The following HECW1 variants were observed in gnomAD, a reference collection of about 807,000 sequenced individuals.
The protein encoded by HECW1 is HECT, C2 and WW domain containing E3 ubiquitin protein ligase 1, also known as E3 ubiquitin-protein ligase HECW1.
In HECW1, 61 loss-of-function variants were observed where a neutral mutation model predicts 182.3. The observed-to-expected ratio is 0.33, with a 90% confidence interval of 0.27 to 0.41. HECW1 has a LOEUF of 0.41. Among genes scored for constraint, HECW1 ranks in the 10% least tolerant of loss-of-function variants. The pLI is 1.00. For synonymous variants in HECW1, 859 were observed against 832.6 expected, an observed-to-expected ratio of 1.03 and a Z score of -0.55; for missense variants, 1,739 against 2,108.9, an observed-to-expected ratio of 0.82 and a Z score of 3.44.
chr7:43,348,418 A>G (rs1238183821), intron 5 of HECW1, among the ~76,000 whole-genome samples: 1 of 151,834 alleles, frequency 6.6e-6, no homozygotes, highest in Non-Finnish European at 1.5e-5. Flanking sequence ...TTCTTGGTTA[A>G]TCTTGCTAAT....
intron 8 of HECW1, among the ~76,000 whole-genome samples, chr7:43,411,208 A>G (rs2075793211): frequency 6.6e-6 from 1 of 152,208 alleles, no homozygotes; most frequent in Non-Finnish European, 1.5e-5. Context: ...TCATTCCGTC[A>G]AAAATATTTC....
At chr7:43,396,915 G>T in intron 7 of HECW1, 26 bp downstream of exon 7, 1 of 1,537,968 alleles carries the variant, frequency 6.5e-7, no homozygotes, top group Non-Finnish European at 9.0e-7. Flanking sequence ...CTGAGACTTT[G>T]TGGAGAGACT....
At chr7:43,298,831 C>T (rs897147137) in intron 3 of HECW1, among the ~76,000 whole-genome samples, 7 of 152,304 alleles carry the variant, frequency 4.6e-5, no homozygotes, top group Admixed American at 1.3e-4. Flanking sequence ...CTCTGTCTGC[C>T]GCCCCCACAT....
In HECW1 at chr7:43,463,781, T is replaced by G; in HGVS notation, c.2773T>G (p.Ser925Ala). The change falls in exon 14 of 30, where the codon TCT becomes GCT. Residue 925 changes from serine to alanine, a missense_variant. Coordinates refer to ENST00000395891, the MANE Select transcript of HECW1 (RefSeq NM_015052.5). ...GGGGSDSEAESSQSSLDLRRE... is the reference protein window; with the variant it reads ...GGGGSDSEAEASQSSLDLRRE... The stretch of plus-strand genomic sequence containing the variant: ...TGGAGGGAGTGACTCAGAAGCCGAA[T>G]CTTCCCAGTCCAGCTTAGGTATTGG... 1 of 1,613,986 alleles carries G rather than the reference T, an allele frequency of 6.2e-7. No individual in the cohort carries two copies.
At position 43,164,667 on chromosome 7, in the gene HECW1, A is replaced by G. The variant is rs1407840044; in HGVS notation, c.-32+50276A>G. Among the ~76,000 whole-genome samples the G allele has an allele frequency of 2.6e-5, 4 of 152,196 alleles. No homozygotes were observed. The East Asian group carries it at 7.7e-4, about 29-fold the overall frequency. On this transcript the variant is annotated intron_variant, in intron 2 of 29. Coordinates refer to ENST00000395891, the MANE Select transcript of HECW1 (RefSeq NM_015052.5). ...TGCATAGTGGGTGTGTTTCAGGGCCACTGGACTGGACTTTCCTTTTGGTGT... is the reference window on the plus strand; with the variant it reads ...TGCATAGTGGGTGTGTTTCAGGGCCGCTGGACTGGACTTTCCTTTTGGTGT...
intron 12 of HECW1, 70 bp downstream of exon 12, chr7:43,450,999 G>T: frequency 9.4e-7 from 1 of 1,059,970 alleles, no homozygotes; most frequent in Non-Finnish European, 1.5e-6. Flanking sequence ...GTATGAATTT[G>T]TGTGTAAACA....
intron 6 of HECW1, among the ~76,000 whole-genome samples, chr7:43,376,956 G>GA (rs11379913): frequency 0.64 from 96,018 of 151,152 alleles, 30,789 homozygotes; most frequent in African/African-American, 0.72. Flanking sequence ...ACACTTTAGT[G>GA]AAAAAAAAAG....
chr7:43,350,515 C>T (rs1814293122), intron 5 of HECW1, among the ~76,000 whole-genome samples: 1 of 152,174 alleles, frequency 6.6e-6, no homozygotes, highest in African/African-American at 2.4e-5. Context: ...TAGGTTTGGT[C>T]ATTTAACATA....
chr7:43,509,201 G>A (rs1023098106), intron 24 of HECW1, 80 bp downstream of exon 24: 2 of 1,455,012 alleles, frequency 1.4e-6, no homozygotes, highest in Admixed American at 3.6e-5. Flanking sequence ...TTTCTCAAAG[G>A]CCACTGTGTT....
At chr7:43,283,761 T>C (rs1352630124) in intron 3 of HECW1, among the ~76,000 whole-genome samples, 1 of 152,204 alleles carries the variant, frequency 6.6e-6, no homozygotes, top group African/African-American at 2.4e-5. Flanking sequence ...GGACCTTGAC[T>C]TGGAAGAGGA....
chr7:43,464,166 A>G (rs1167380845), intron 14 of HECW1, among the ~76,000 whole-genome samples: 2 of 152,232 alleles, frequency 1.3e-5, no homozygotes, highest in Non-Finnish European at 2.9e-5. Flanking sequence ...TTATTTATTT[A>G]TAAGTTATTG....
chr7:43,452,372 T>C (rs2077263048), intron 12 of HECW1, among the ~76,000 whole-genome samples: 1 of 152,240 alleles, frequency 6.6e-6, no homozygotes, highest in African/African-American at 2.4e-5. Context: ...AAATCCGTTG[T>C]AAAATAATTG....
chr7:43,495,947 C>G (rs1455066644), intron 19 of HECW1, among the ~76,000 whole-genome samples: 1 of 152,114 alleles, frequency 6.6e-6, no homozygotes, highest in African/African-American at 2.4e-5. Context: ...TTTCAACTCA[C>G]CAAAGACACA....
chr7:43,444,984 C>G lies in HECW1; in HGVS notation c.1812C>G (p.Asp604Glu). ...AGAAGGATGGGCTCAGCGAGGTGGA[C>G]ACGGTGGCCGCTGACCCGTCTGCCC... Reference protein sequence around the residue: ...SSEKDGLSEVDTVAADPSALE... With the variant: ...SSEKDGLSEVETVAADPSALE... Residue 604 changes from aspartate (D) to glutamate (E), a missense_variant, in exon 11 of 30, where the codon GAC becomes GAG. By Grantham distance (45) the Asp-to-Glu change is conservative. Transcript: ENST00000395891. The surrounding 1 kb of genome is among the most constrained non-coding windows in gnomAD (Gnocchi z 4.3). 1 of 1,558,384 alleles carries G rather than the reference C, an allele frequency of 6.4e-7. No homozygotes were observed. Among genetic ancestry groups the G allele is most frequent in the Non-Finnish European group, 8.7e-7 (1 of 1,150,952 alleles).
intron 4 of HECW1, among the ~76,000 whole-genome samples, chr7:43,313,430 C>T (rs533342039): frequency 3.6e-4 from 55 of 151,682 alleles, no homozygotes; most frequent in African/African-American, 1.2e-3. Flanking sequence ...CTCTGCCTCC[C>T]GGGTTCAAGT....
chr7:43,283,245 T>C (rs978862234), intron 3 of HECW1, among the ~76,000 whole-genome samples: 1 of 145,228 alleles, frequency 6.9e-6, no homozygotes, highest in Non-Finnish European at 1.5e-5. Flanking sequence ...TTCATTGCAA[T>C]ATTAAGATTT....
At chr7:43,178,408 A>G (rs1195408999) in intron 2 of HECW1, among the ~76,000 whole-genome samples, 1 of 152,222 alleles carries the variant, frequency 6.6e-6, no homozygotes, top group Non-Finnish European at 1.5e-5. Flanking sequence ...CATGATAGAC[A>G]GGAATTTAGT....
At chr7:43,559,820 A>G (rs1304390612) in intron 29 of HECW1, among the ~76,000 whole-genome samples, 1 of 152,156 alleles carries the variant, frequency 6.6e-6, no homozygotes, top group African/African-American at 2.4e-5. Flanking sequence ...TCATGATTTG[A>G]TTGTGTTCGT....
intron 21 of HECW1, 120 bp from the exon 22 acceptor site, chr7:43,507,017 C>G: frequency 8.1e-7 from 1 of 1,241,184 alleles, no homozygotes; most frequent in Non-Finnish European, 1.1e-6. Flanking sequence ...TTGCGGTAAG[C>G]CGAGAGCACA....
Sources: allele counts gnomAD v4.1 joint callset (sites outside exome capture counted in the v4.1 genomes callset), GRCh38; gene constraint gnomAD v4.1.1; non-coding constraint Gnocchi (gnomAD v3.1); transcripts MANE v1.5; gene names NCBI Gene and HGNC (gene_info 2026-07-23, HGNC 2026-07-21).